Variants in RAVER2 observed in about 807,000 individuals in gnomAD.
The protein encoded by RAVER2 is ribonucleoprotein, PTB binding 2, also known as ribonucleoprotein PTB-binding 2.
In RAVER2, 46 loss-of-function variants were observed where a neutral mutation model predicts 78.1. The observed-to-expected ratio is 0.59, with a 90% confidence interval of 0.46 to 0.75. RAVER2 has a LOEUF of 0.75. Among genes scored for constraint, RAVER2 ranks in the 30% least tolerant of loss-of-function variants. The pLI is 0.00. For missense variants in RAVER2, 793 were observed against 837.5 expected (o/e 0.95, Z 0.66); for synonymous variants, 311 against 313.3 (o/e 0.99, Z 0.08).
exon 11 of RAVER2, chr1:64,814,767 C>G: frequency 6.3e-7 from 1 of 1,591,638 alleles, no homozygotes; most frequent in African/African-American, 1.3e-5. Flanking sequence ...GATGCAATCT[C>G]TCAGGGAAGT....
At chr1:64,813,380 T>G (rs925187316) in intron 10 of RAVER2, among the ~76,000 whole-genome samples, 1 of 152,196 alleles carries the variant, frequency 6.6e-6, no homozygotes, top group Non-Finnish European at 1.5e-5. Flanking sequence ...AATTGAATAC[T>G]GTGCAACTTT....
intron 5 of RAVER2, among the ~76,000 whole-genome samples, chr1:64,799,163 GTA>G (rs1653187316): frequency 6.6e-6 from 1 of 152,082 alleles, no homozygotes; most frequent in South Asian, 2.1e-4. Flanking sequence ...TTTAGCTCCT[GTA>G]TATGAGGGAG....
intron 1 of RAVER2, among the ~76,000 whole-genome samples, chr1:64,756,848 A>G (rs1208346402): frequency 6.6e-6 from 1 of 152,112 alleles, no homozygotes; most frequent in African/African-American, 2.4e-5. Flanking sequence ...TTGTTTGGGT[A>G]TCTTTTAGAA....
At chr1:64,753,258 T>C (rs905964867) in intron 1 of RAVER2, among the ~76,000 whole-genome samples, 6 of 152,188 alleles carry the variant, frequency 3.9e-5, no homozygotes, top group South Asian at 2.1e-4. Flanking sequence ...TTTTGCCATG[T>C]TGCTCAGGCT....
chr1:64,775,483 T>G (rs974080511), intron 2 of RAVER2, among the ~76,000 whole-genome samples: 1 of 152,132 alleles, frequency 6.6e-6, no homozygotes. Context: ...TGATACGGAA[T>G]ACATGGGAAT....
chr1:64,809,893 T>TA (rs1290229325), intron 9 of RAVER2, among the ~76,000 whole-genome samples: 2 of 152,240 alleles, frequency 1.3e-5, no homozygotes, highest in African/African-American at 4.8e-5. Context: ...TAATGTTTTC[T>TA]AGATTCATCC....
At chr1:64,812,964 G>A in intron 10 of RAVER2, 115 bp downstream of exon 10, 1 of 580,346 alleles carries the variant, frequency 1.7e-6, no homozygotes, top group Non-Finnish European at 2.8e-6. Context: ...CCAAATTAAG[G>A]CCTAAATTAT....
chr1:64,778,764 T>C (rs1652542989), intron 3 of RAVER2, among the ~76,000 whole-genome samples: 2 of 149,218 alleles, frequency 1.3e-5, no homozygotes, highest in South Asian at 4.2e-4. Context: ...TGATCAATTA[T>C]TTCTCTCTTG....
intron 4 of RAVER2, among the ~76,000 whole-genome samples, chr1:64,785,468 C>G (rs912271004): frequency 1.2e-4 from 18 of 150,718 alleles, no homozygotes; most frequent in African/African-American, 3.9e-4. Flanking sequence ...CTGCCGGGTT[C>G]AAGCGACTCT....
At chr1:64,831,780 T>C (rs1225634288) in exon 12 of RAVER2, 1 of 152,192 alleles carries the variant, frequency 6.6e-6, no homozygotes, top group Non-Finnish European at 1.5e-5. Context: ...AAAGAAAACT[T>C]ATGACATGAA....
exon 12 of RAVER2, chr1:64,833,210 A>C (rs1415988163): frequency 3.8e-5 from 8 of 210,542 alleles, no homozygotes; most frequent in African/African-American, 1.8e-4. Flanking sequence ...AAATCTTAAT[A>C]TTAAAAGGCA....
At chr1:64,821,896 G>A (rs192281798) in intron 11 of RAVER2, among the ~76,000 whole-genome samples, 3 of 152,264 alleles carry the variant, frequency 2.0e-5, no homozygotes, top group Non-Finnish European at 4.4e-5. Flanking sequence ...ATACACAAAG[G>A]GAAAGTAATT....
intron 5 of RAVER2, among the ~76,000 whole-genome samples, chr1:64,799,546 G>T (rs1037956950): frequency 6.6e-6 from 1 of 152,062 alleles, no homozygotes; most frequent in African/African-American, 2.4e-5. Flanking sequence ...GAGTTCAAGC[G>T]ATTCTCATGC....
At chr1:64,773,009 A>G (rs1652362154) in intron 2 of RAVER2, among the ~76,000 whole-genome samples, 1 of 152,122 alleles carries the variant, frequency 6.6e-6, no homozygotes, top group South Asian at 2.1e-4. Flanking sequence ...TTAAAAAAAG[A>G]AAAAGCTAGA....
At chr1:64,776,578 A>C (rs573893429) in intron 2 of RAVER2, among the ~76,000 whole-genome samples, 16 of 152,306 alleles carry the variant, frequency 1.1e-4, no homozygotes, top group South Asian at 2.1e-4. Flanking sequence ...ACATATTGTC[A>C]TGCAGTTCTA....
chr1:64,761,010 A>G (rs951075815), intron 1 of RAVER2, among the ~76,000 whole-genome samples: 1 of 152,206 alleles, frequency 6.6e-6, no homozygotes, highest in Admixed American at 6.5e-5. Context: ...CAATGTTCTC[A>G]TCTTTAAAAT....
At chr1:64,806,855 T>TA (rs1051644015) in intron 8 of RAVER2, among the ~76,000 whole-genome samples, 3 of 151,948 alleles carry the variant, frequency 2.0e-5, no homozygotes, top group East Asian at 1.9e-4. Flanking sequence ...TGACTGGGCA[T>TA]AAAAAAAAGC....
chr1:64,770,121 G>A (rs1652274938), intron 2 of RAVER2, among the ~76,000 whole-genome samples: 1 of 151,976 alleles, frequency 6.6e-6, no homozygotes. Flanking sequence ...ATTTCAAACA[G>A]TGATGCAATG....
At chr1:64,789,730 AT>A (rs1652884467) in intron 5 of RAVER2, among the ~76,000 whole-genome samples, 1 of 152,148 alleles carries the variant, frequency 6.6e-6, no homozygotes. Flanking sequence ...CTTATGTGGT[AT>A]TTTTTACTAT....
Sources: gnomAD v4.1 joint callset for allele counts (sites outside exome capture counted in the v4.1 genomes callset) on GRCh38, gnomAD v4.1.1 for gene constraint, MANE v1.5 for transcripts, NCBI Gene and HGNC (gene_info 2026-07-23, HGNC 2026-07-21) for gene names.